PTPN12: variants seen among roughly 807,000 people sequenced by gnomAD.
PTPN12 encodes tyrosine-protein phosphatase non-receptor type 12.
PTPN12 carries 29 observed loss-of-function variants against 97.6 expected under a neutral mutation model. The ratio of observed to expected loss-of-function variants is 0.30; its 90% confidence interval spans 0.22 to 0.41. The LOEUF (loss-of-function observed/expected upper bound fraction) is 0.41, where lower values mean the gene tolerates loss of function less well. Ranked by LOEUF, PTPN12 falls within the 10% of genes least tolerant of loss-of-function variation. The pLI is 1.00. For missense variants in PTPN12, 819 were observed against 926.0 expected (o/e 0.88, Z 1.50); for synonymous variants, 327 against 300.4 (o/e 1.09, Z -0.91).
At chr7:77,556,880 T>G (rs899942016) in intron 1 of PTPN12, among the ~76,000 whole-genome samples, 4 of 151,928 alleles carry the variant, frequency 2.6e-5, no homozygotes, top group African/African-American at 9.7e-5. Flanking sequence ...ATACTTACTA[T>G]GAGAACCTGG....
chr7:77,554,734 C>T (rs550357636), intron 1 of PTPN12, among the ~76,000 whole-genome samples: 6 of 152,278 alleles, frequency 3.9e-5, no homozygotes, highest in South Asian at 4.1e-4. Context: ...GGCTATAATG[C>T]GGTGGCATGA....
intron 13 of PTPN12, among the ~76,000 whole-genome samples, chr7:77,628,632 G>A (rs1326195393): frequency 2.0e-5 from 3 of 151,222 alleles, no homozygotes; most frequent in Admixed American, 6.6e-5. Flanking sequence ...CCAGGCTAGA[G>A]TGCAGTGGCA....
chr7:77,628,892 T>A (rs1282381505), intron 13 of PTPN12, among the ~76,000 whole-genome samples: 1 of 152,094 alleles, frequency 6.6e-6, no homozygotes, highest in African/African-American at 2.4e-5. Context: ...ACTGTAGTGC[T>A]TGTATTTTCT....
intron 7 of PTPN12, among the ~76,000 whole-genome samples, chr7:77,599,698 T>G (rs1216344165): frequency 6.6e-6 from 1 of 152,224 alleles, no homozygotes; most frequent in African/African-American, 2.4e-5. Flanking sequence ...ATCCAGATAC[T>G]GTTACGTCTG....
In PTPN12 at chr7:77,627,442, C is replaced by A; in HGVS notation, c.1763C>A (p.Ser588Ter). Residue 588 changes from serine to a stop codon, truncating the protein, a stop_gained, in exon 13 of 18, where the codon TCA becomes TAA. Transcript: ENST00000248594. LOFTEE classifies it high-confidence loss of function. ...TPDLVDHDNT[S>*]PLFRTPLSFT... ...GATCTTGTGGATCATGATAACACTT[C>A]ACCACTCTTCAGAACACCCCTCAGT... 6.2e-7 allele frequency: 1 copy of A among 1,614,040 alleles called. No homozygotes were observed.
At chr7:77,546,761 C>T (rs890611236) in intron 1 of PTPN12, among the ~76,000 whole-genome samples, 3 of 151,860 alleles carry the variant, frequency 2.0e-5, no homozygotes, top group African/African-American at 7.3e-5. Flanking sequence ...GGGGAGGCCT[C>T]AGGAAACTTA....
rs532493589 is a variant in PTPN12 at position 77,633,917 on chromosome 7, G to A, written c.2074+1492G>A. On this transcript the variant is annotated intron_variant, in intron 14 of 17. Coordinates refer to ENST00000248594, the MANE Select transcript of PTPN12 (RefSeq NM_002835.4). ...GGGCGCCTGTAATCCCAGCTGCTTGGGAGGCTGAGGCAGGAGAATTGCTTG... is the reference window on the plus strand; with the variant it reads ...GGGCGCCTGTAATCCCAGCTGCTTGAGAGGCTGAGGCAGGAGAATTGCTTG... Among the ~76,000 whole-genome samples, 5 of 152,044 alleles carry A rather than the reference G, an allele frequency of 3.3e-5. No individual in the cohort carries two copies. The South Asian group carries it at 1.0e-3, about 32-fold the overall frequency.
At chr7:77,541,345 G>T (rs1336824564) in intron 1 of PTPN12, among the ~76,000 whole-genome samples, 1 of 152,182 alleles carries the variant, frequency 6.6e-6, no homozygotes, top group Non-Finnish European at 1.5e-5. Flanking sequence ...ACCTGCCTCA[G>T]CCTCAAAGTG....
intron 9 of PTPN12, among the ~76,000 whole-genome samples, chr7:77,609,278 T>TTC (rs1469337560): frequency 4.0e-5 from 6 of 149,964 alleles, no homozygotes; most frequent in African/African-American, 1.5e-4. Flanking sequence ...TCTCTCTTTT[T>TTC]TTTTTTTTTT....
In PTPN12 at chr7:77,610,818, A is replaced by C; in HGVS notation, c.816A>C (p.Gln272His). 6.2e-7 allele frequency: 1 copy of C among 1,608,576 alleles called. No homozygotes were observed. Among genetic ancestry groups the C allele is most frequent in the Non-Finnish European group, 8.5e-7 (1 of 1,178,952 alleles). ...ATTTAATACAAGAAATGAGAACACA[A>C]AGGCATTCTGCAGTACAAACAAAGG... ...VFNLIQEMRTQRHSAVQTKEQ... is the reference protein window; with the variant it reads ...VFNLIQEMRTHRHSAVQTKEQ... Residue 272 changes from glutamine (Q) to histidine (H), a missense_variant, in exon 10 of 18, where the codon CAA becomes CAC. This residue lies in a region of PTPN12 where 42 missense variants were observed against 120.9 expected (regional missense o/e 0.35). Coordinates refer to ENST00000248594, the MANE Select transcript of PTPN12 (RefSeq NM_002835.4).
intron 1 of PTPN12, among the ~76,000 whole-genome samples, chr7:77,564,752 T>TTTTTTG (rs1562715109): frequency 1.3e-5 from 1 of 78,362 alleles, no homozygotes; most frequent in Non-Finnish European, 2.4e-5. Context: ...TCGTGTTTTT[T>TTTTTTG]TTTTTTTTTT....
intron 1 of PTPN12, among the ~76,000 whole-genome samples, chr7:77,559,952 A>G (rs952106180): frequency 2.6e-5 from 4 of 152,252 alleles, no homozygotes; most frequent in Admixed American, 6.5e-5. Flanking sequence ...AAGAATGACA[A>G]GTACTATATG....
chr7:77,543,332 C>A (rs547914039), intron 1 of PTPN12, among the ~76,000 whole-genome samples: 1 of 132,200 alleles, frequency 7.6e-6, no homozygotes, highest in Non-Finnish European at 1.5e-5. Flanking sequence ...GAGAGTGTGC[C>A]CCTTCCACTG....
chr7:77,620,155 T>C (rs1355467151), intron 12 of PTPN12, among the ~76,000 whole-genome samples: 2 of 152,214 alleles, frequency 1.3e-5, no homozygotes, highest in African/African-American at 4.8e-5. Flanking sequence ...TTTCAAAGTC[T>C]ACACTGATAT....
intron 8 of PTPN12, among the ~76,000 whole-genome samples, chr7:77,601,488 C>A (rs1488147218): frequency 2.6e-5 from 4 of 152,072 alleles, no homozygotes; most frequent in Admixed American, 6.5e-5. Flanking sequence ...CAGGCGTGAG[C>A]CACTACGCCT....
intron 1 of PTPN12, among the ~76,000 whole-genome samples, chr7:77,556,196 G>A (rs908331852): frequency 2.6e-5 from 4 of 152,074 alleles, no homozygotes; most frequent in Non-Finnish European, 5.9e-5. Context: ...CAGTAGCTGG[G>A]ATCACAGGCA....
At position 77,603,232 on chromosome 7, in the gene PTPN12, C is replaced by A. The variant is rs578238546; in HGVS notation, c.695+2426C>A. Among the ~76,000 whole-genome samples the A allele has an allele frequency of 3.3e-5, 5 of 152,248 alleles. No homozygotes were observed. In the South Asian group the frequency reaches 1.0e-3, roughly 32 times the overall value. ...GATAAAGAAATTGCTTTCACTTTGA[C>A]TTCTTATAAGTTAGTTAAAATAATT... is the stretch of plus-strand genomic sequence containing the variant. On this transcript the variant is annotated intron_variant, in intron 8 of 17. Coordinates refer to ENST00000248594, the MANE Select transcript of PTPN12 (RefSeq NM_002835.4).
chr7:77,638,658 C>T lies in PTPN12; in HGVS notation c.2208C>T (p.Cys736=). 1 of 1,606,142 alleles carries T rather than the reference C, an allele frequency of 6.2e-7. No homozygotes were observed. Among genetic ancestry groups the T allele is most frequent in the East Asian group, 2.3e-5 (1 of 44,152 alleles). The change falls in exon 17 of 18, where the codon TGC becomes TGT. Residue 736 remains cysteine, a synonymous_variant. Transcript: ENST00000248594. Reference sequence around the variant, plus strand: ...CGGGAGGTATTCACTATGAAATGTGCATAGAATGTCCACCTACTTTCAGTG... The same window carrying T: ...CGGGAGGTATTCACTATGAAATGTGTATAGAATGTCCACCTACTTTCAGTG... The part of the protein sequence containing the change: ...HPAGGIHYEM[C]IECPPTFSDK...
intron 2 of PTPN12, among the ~76,000 whole-genome samples, chr7:77,579,288 A>AT (rs972655146): frequency 5.9e-5 from 9 of 151,634 alleles, no homozygotes; most frequent in African/African-American, 1.9e-4. Flanking sequence ...TGCCCTGCCA[A>AT]TTTTTTTTGT....
Sources: allele counts gnomAD v4.1 joint callset (sites outside exome capture counted in the v4.1 genomes callset), GRCh38; gene constraint gnomAD v4.1.1; regional missense constraint gnomAD v4.1.1; transcripts MANE v1.5; gene names NCBI Gene and HGNC (gene_info 2026-07-23, HGNC 2026-07-21).